The following ATP8A2 variants were observed in gnomAD, a reference collection of about 807,000 sequenced individuals.
ATP8A2 encodes the protein ATPase phospholipid transporting 8A2.
ATP8A2 carries 100 observed loss-of-function variants against 165.6 expected under a neutral mutation model. The ratio of observed to expected loss-of-function variants is 0.60; its 90% CI spans 0.51 to 0.71. ATP8A2 has a LOEUF of 0.71. Among genes scored for constraint, ATP8A2 ranks in the 30% least tolerant of loss-of-function variants. The probability of loss-of-function intolerance (pLI) is 0.00; values close to 1 mark genes in which losing one functional copy is unlikely to be tolerated. For missense variants in ATP8A2, 1,227 were observed against 1,479.5 expected (o/e 0.83, Z 2.80); for synonymous variants, 543 against 548.8 (o/e 0.99, Z 0.15).
chr13:25,915,979 G>A (rs2139010368), intron 33 of ATP8A2, among the ~76,000 whole-genome samples: 1 of 152,208 alleles, frequency 6.6e-6, no homozygotes. Flanking sequence ...TTCTATCGTA[G>A]AGTTTGTGTA....
chr13:25,817,136 G>A (rs991455260), intron 27 of ATP8A2, among the ~76,000 whole-genome samples: 2 of 152,070 alleles, frequency 1.3e-5, no homozygotes, highest in Non-Finnish European at 1.5e-5. Flanking sequence ...CCAGATGAAA[G>A]GCTCATTATT....
chr13:25,785,563 T>A (rs187775514), intron 27 of ATP8A2, among the ~76,000 whole-genome samples: 8 of 152,334 alleles, frequency 5.3e-5, no homozygotes, highest in African/African-American at 1.7e-4. Context: ...CTGTTCTTTC[T>A]TTTGCCAGTA....
chr13:25,705,142 AT>A (rs1268288503), intron 25 of ATP8A2: 2 of 433,094 alleles, frequency 4.6e-6, no homozygotes, highest in South Asian at 1.7e-5. Flanking sequence ...CCCCTTTCTC[AT>A]TTTCCCTTTT....
chr13:25,752,861 G>A (rs2044182027), intron 25 of ATP8A2, among the ~76,000 whole-genome samples: 1 of 152,154 alleles, frequency 6.6e-6, no homozygotes, highest in Admixed American at 6.5e-5. Context: ...AACTAGCTCA[G>A]GGCAAGGCTC....
intron 24 of ATP8A2, among the ~76,000 whole-genome samples, chr13:25,689,273 A>C (rs893746188): frequency 5.3e-5 from 8 of 152,236 alleles, no homozygotes; most frequent in African/African-American, 1.9e-4. Flanking sequence ...TAATGACTAT[A>C]CCGCTTATGT....
chr13:25,601,274 A>G (rs1424054202), intron 24 of ATP8A2, among the ~76,000 whole-genome samples: 1 of 152,138 alleles, frequency 6.6e-6, no homozygotes, highest in Non-Finnish European at 1.5e-5. Flanking sequence ...TTCCAATTTG[A>G]TCTTTTCTCT....
intron 27 of ATP8A2, 50 bp from the exon 28 acceptor site, chr13:25,828,068 C>A: frequency 6.9e-7 from 1 of 1,445,950 alleles, no homozygotes; most frequent in Non-Finnish European, 9.7e-7. Flanking sequence ...TGAATGGAAA[C>A]ATTTAGGTCA....
At chr13:25,476,859 G>A (rs770538625) in intron 2 of ATP8A2, among the ~76,000 whole-genome samples, 2 of 152,088 alleles carry the variant, frequency 1.3e-5, no homozygotes, top group South Asian at 2.1e-4. Context: ...TCTTATTTTC[G>A]ATGTACCAGC....
chr13:25,699,298 G>T lies in ATP8A2; in HGVS notation c.2337G>T (p.Arg779Ser). The T allele has an allele frequency of 6.2e-7, 1 of 1,613,698 alleles. No homozygotes were observed. Among genetic ancestry groups the T allele is most frequent in the East Asian group, 2.2e-5 (1 of 44,860 alleles). ...LKYALSFEVRRSFLDLALSCK... is the reference protein window; with the variant it reads ...LKYALSFEVRSSFLDLALSCK... Reference sequence around the variant, plus strand: ...ACGCGCTCTCCTTCGAAGTCCGGAGGAGTTTCCTGGATTTGGCACTCTCGT... The same window carrying T: ...ACGCGCTCTCCTTCGAAGTCCGGAGTAGTTTCCTGGATTTGGCACTCTCGT... Residue 779 changes from arginine (R) to serine (S), a missense_variant, in exon 25 of 37, where the codon AGG becomes AGT. Around this residue, in one of 5 missense-constraint regions of ATP8A2, gnomAD observed 592 missense variants for 785.6 expected, o/e 0.75. Transcript: ENST00000381655.
chr13:25,919,926 A>G (rs1199424087), intron 33 of ATP8A2, among the ~76,000 whole-genome samples: 3 of 152,060 alleles, frequency 2.0e-5, no homozygotes, highest in African/African-American at 7.2e-5. Flanking sequence ...AGCTGGGACC[A>G]CAGACATGTA....
intron 24 of ATP8A2, among the ~76,000 whole-genome samples, chr13:25,629,519 G>A (rs1016524298): frequency 2.6e-5 from 4 of 151,954 alleles, no homozygotes; most frequent in African/African-American, 7.3e-5. Context: ...ATAATAGCTC[G>A]AAATATAAAT....
rs1193807512 is a variant in ATP8A2, at chr13:25,530,223, A to G, written c.321+125A>G. On this transcript the variant is annotated intron_variant, in intron 3 of 36. Coordinates refer to ENST00000381655, the MANE Select transcript of ATP8A2 (RefSeq NM_016529.6). ...TATAGTTTGTTTCCCTCCTCTAGTCATTGTTTGATAGAGTGAACAAGCCTG... is the reference window on the plus strand; with the variant it reads ...TATAGTTTGTTTCCCTCCTCTAGTCGTTGTTTGATAGAGTGAACAAGCCTG... 7.7e-6 allele frequency: 5 copies of G among 650,390 alleles called. No homozygotes were observed. The Admixed American group carries it at 8.6e-5, about 11-fold the overall frequency. 40.3% of individuals were successfully genotyped at this position (650,390 alleles called of 1,614,324 possible).
At chr13:25,590,300 C>T (rs2040035142) in intron 24 of ATP8A2, among the ~76,000 whole-genome samples, 1 of 152,098 alleles carries the variant, frequency 6.6e-6, no homozygotes, top group Non-Finnish European at 1.5e-5. Context: ...TGGCATATGC[C>T]TGTAGTCCCA....
At chr13:25,892,478 G>GTCTCTCTGTCTCTC (rs1555286135) in intron 33 of ATP8A2, among the ~76,000 whole-genome samples, 16 of 136,174 alleles carry the variant, frequency 1.2e-4, no homozygotes, top group African/African-American at 3.3e-4. Flanking sequence ...CTGTCTCTCT[G>GTCTCTCTGTCTCTC]TCTCTCTCTC....
At chr13:25,526,329 G>T (rs564746239) in intron 2 of ATP8A2, among the ~76,000 whole-genome samples, 1 of 152,072 alleles carries the variant, frequency 6.6e-6, no homozygotes, top group Non-Finnish European at 1.5e-5. Context: ...GTTCAGGGAA[G>T]TCATGGTTCC....
intron 27 of ATP8A2, among the ~76,000 whole-genome samples, chr13:25,802,774 T>G (rs1160271511): frequency 6.6e-6 from 1 of 152,170 alleles, no homozygotes; most frequent in Non-Finnish European, 1.5e-5. Flanking sequence ...AGAAGAAAAA[T>G]GAAGTTCCAC....
Position 25,663,505 on chromosome 13 carries a change from C to T in ATP8A2, c.2212-35668C>T, listed in dbSNP as rs1400299228. On this transcript the variant is annotated intron_variant, in intron 24 of 36. Coordinates refer to ENST00000381655, the MANE Select transcript of ATP8A2 (RefSeq NM_016529.6). The stretch of plus-strand genomic sequence containing the variant: ...TGTAATATTCACACGGCCTCATCAT[C>T]CATCATCTTTTGTGTGCCACTGAGG... Among the ~76,000 whole-genome samples, 3 of 152,180 alleles carry T rather than the reference C, an allele frequency of 2.0e-5. No homozygotes were observed. In the East Asian group the frequency reaches 5.8e-4, roughly 29 times the overall value.
At chr13:25,756,593 G>A (rs967404506) in intron 25 of ATP8A2, among the ~76,000 whole-genome samples, 61 of 152,190 alleles carry the variant, frequency 4.0e-4, no homozygotes, top group African/African-American at 1.4e-3. Context: ...GTTTAGTCTT[G>A]TCTTGGCCAC....
intron 33 of ATP8A2, among the ~76,000 whole-genome samples, chr13:25,905,039 C>G (rs9581474): frequency 6.6e-6 from 1 of 152,082 alleles, no homozygotes; most frequent in South Asian, 2.1e-4. Context: ...GCCACCGCCC[C>G]GAGGAGAAGA....
Sources: allele counts gnomAD v4.1 joint callset (sites outside exome capture counted in the v4.1 genomes callset), GRCh38; gene constraint gnomAD v4.1.1; regional missense constraint gnomAD v4.1.1; transcripts MANE v1.5; gene names NCBI Gene and HGNC (gene_info 2026-07-23, HGNC 2026-07-21).